The following GPC6 variants were observed in gnomAD, a reference collection of about 807,000 sequenced individuals.
GPC6 encodes the protein glypican 6.
Under a neutral mutation model 55.2 loss-of-function variants are expected in GPC6, and 14 were observed. The observed-to-expected ratio is 0.25, with a 90% CI of 0.17 to 0.40. The LOEUF (loss-of-function observed/expected upper bound fraction) is 0.40. GPC6 is among the 10% of genes least tolerant of loss of function. GPC6 has a pLI of 1.00. For missense variants in GPC6, 641 were observed against 708.5 expected (o/e 0.90, Z 1.08); for synonymous variants, 278 against 259.6 (o/e 1.07, Z -0.68).
chr13:93,418,759 C>T (rs1183514301), intron 1 of GPC6, among the ~76,000 whole-genome samples: 2 of 148,628 alleles, frequency 1.3e-5, no homozygotes, highest in African/African-American at 2.5e-5. Flanking sequence ...TATACCGTAG[C>T]ATCACTTTAT....
chr13:94,180,771 G>T (rs1888963098), intron 4 of GPC6, among the ~76,000 whole-genome samples: 1 of 151,876 alleles, frequency 6.6e-6, no homozygotes, highest in African/African-American at 2.4e-5. Context: ...AGATTAATAG[G>T]GACAAGTCAT....
At chr13:94,155,559 T>G (rs1013369413) in intron 4 of GPC6, among the ~76,000 whole-genome samples, 1 of 152,040 alleles carries the variant, frequency 6.6e-6, no homozygotes, top group Non-Finnish European at 1.5e-5. Context: ...CCCAAAACAT[T>G]TAATTCAGTG....
Position 93,820,446 on chromosome 13 carries a change from ATG to A in GPC6, c.320-9704_320-9703del, listed in dbSNP as rs1254929209. On this transcript the variant is annotated intron_variant, in intron 2 of 8. Coordinates refer to ENST00000377047, the MANE Select transcript of GPC6 (RefSeq NM_005708.5). ...TAAATATTGTGAACATTTTTGAATT[ATG>A]TGTTACAGTATTTTTAACAGCCAAT... 3.9e-5 allele frequency among the ~76,000 whole-genome samples: 6 copies of A among 152,156 alleles called. No homozygotes were observed. The East Asian group carries it at 1.2e-3, about 29-fold the overall frequency.
intron 4 of GPC6, among the ~76,000 whole-genome samples, chr13:94,091,783 G>C (rs149340417): frequency 6.6e-6 from 1 of 151,994 alleles, no homozygotes; most frequent in African/African-American, 2.4e-5. Context: ...GTTTTAACTG[G>C]AATTATAGAG....
chr13:93,958,724 G>C (rs527831440), intron 3 of GPC6, among the ~76,000 whole-genome samples: 1 of 152,014 alleles, frequency 6.6e-6, no homozygotes, highest in East Asian at 1.9e-4. Context: ...TTCTAATTCT[G>C]TAAAGAATCA....
intron 6 of GPC6, among the ~76,000 whole-genome samples, chr13:94,316,029 G>A (rs370462994): frequency 1.3e-5 from 2 of 152,086 alleles, no homozygotes; most frequent in African/African-American, 2.4e-5. Context: ...CCAAAAAACG[G>A]CCCAGGGAAG....
At chr13:93,613,530 A>ACACACACACAC (rs1566450041) in intron 2 of GPC6, among the ~76,000 whole-genome samples, 26 of 140,000 alleles carry the variant, frequency 1.9e-4, no homozygotes, top group African/African-American at 7.6e-4. Context: ...ACACACACAA[A>ACACACACACAC]ACACACACAC....
chr13:93,473,168 C>T (rs937213547), intron 1 of GPC6, among the ~76,000 whole-genome samples: 1 of 152,176 alleles, frequency 6.6e-6, no homozygotes, highest in Non-Finnish European at 1.5e-5. Flanking sequence ...AGGGCCTCAC[C>T]AGGGACCTGC....
At chr13:94,255,819 C>T (rs963631393) in intron 4 of GPC6, among the ~76,000 whole-genome samples, 4 of 152,162 alleles carry the variant, frequency 2.6e-5, no homozygotes, top group Non-Finnish European at 2.9e-5. Context: ...GAAATAAATG[C>T]CCTGGATCAT....
intron 6 of GPC6, among the ~76,000 whole-genome samples, chr13:94,381,523 C>A (rs1483216689): frequency 6.6e-6 from 1 of 152,166 alleles, no homozygotes; most frequent in Non-Finnish European, 1.5e-5. Context: ...AGGGCCCACC[C>A]ACATGACTTC....
rs1877997455 is a variant in GPC6 at position 93,601,086 on chromosome 13, A to AAT, written c.319+55665_319+55666insAT. 5.9e-5 allele frequency among the ~76,000 whole-genome samples: 9 copies of AAT among 151,756 alleles called. 1 individual carries two copies. Among genetic ancestry groups the AAT allele is most frequent in the African/African-American group, 2.2e-4 (9 of 41,356 alleles). ...GAGGAAAAGACGAGGGGAAAACAGGAGCTTAAAAGAATTAAAACATGTTGG... is the reference window on the plus strand; with the variant it reads ...GAGGAAAAGACGAGGGGAAAACAGGAATGCTTAAAAGAATTAAAACATGTTGG... On this transcript the variant is annotated intron_variant, in intron 2 of 8. Transcript: ENST00000377047.
chr13:94,351,987 AAG>A (rs1206835652), intron 6 of GPC6, among the ~76,000 whole-genome samples: 3 of 151,206 alleles, frequency 2.0e-5, no homozygotes, highest in African/African-American at 7.3e-5. Flanking sequence ...AAAAAAGAAA[AAG>A]AAAAAAAATA....
intron 4 of GPC6, among the ~76,000 whole-genome samples, chr13:94,280,514 G>C (rs535664026): frequency 6.6e-6 from 1 of 152,162 alleles, no homozygotes; most frequent in Non-Finnish European, 1.5e-5. Context: ...CAGCGTGCCT[G>C]TCTCCAGCAC....
At chr13:94,030,001 C>T (rs1199670593) in intron 4 of GPC6, among the ~76,000 whole-genome samples, 3 of 149,646 alleles carry the variant, frequency 2.0e-5, no homozygotes, top group South Asian at 2.1e-4. Context: ...CCTTTCTTCC[C>T]GTCTTTTTTT....
chr13:94,031,325 A>T (rs778776979), intron 4 of GPC6, among the ~76,000 whole-genome samples: 1 of 152,138 alleles, frequency 6.6e-6, no homozygotes, highest in Non-Finnish European at 1.5e-5. Flanking sequence ...ATGCCGCTAG[A>T]CCTATTTTAG....
At chr13:93,519,735 T>A (rs1881336466) in intron 1 of GPC6, among the ~76,000 whole-genome samples, 1 of 152,020 alleles carries the variant, frequency 6.6e-6, no homozygotes, top group African/African-American at 2.4e-5. Flanking sequence ...CCTAAATAGA[T>A]GAGGCTCTTT....
chr13:93,717,748 C>T (rs1050325307), intron 2 of GPC6, among the ~76,000 whole-genome samples: 2 of 151,662 alleles, frequency 1.3e-5, no homozygotes, highest in Non-Finnish European at 2.9e-5. Flanking sequence ...TCTCCTAATG[C>T]TATCCTTCCC....
At chr13:94,173,085 T>G (rs1277059885) in intron 4 of GPC6, among the ~76,000 whole-genome samples, 3 of 152,194 alleles carry the variant, frequency 2.0e-5, no homozygotes, top group Non-Finnish European at 4.4e-5. Flanking sequence ...AAAGGGATAC[T>G]TCAGCTTCAT....
intron 2 of GPC6, among the ~76,000 whole-genome samples, chr13:93,681,814 T>A (rs1881855379): frequency 6.6e-6 from 1 of 152,224 alleles, no homozygotes; most frequent in African/African-American, 2.4e-5. Context: ...AAAGATATCA[T>A]GATACCTTGT....
Sources: allele counts gnomAD v4.1 joint callset (sites outside exome capture counted in the v4.1 genomes callset), GRCh38; gene constraint gnomAD v4.1.1; transcripts MANE v1.5; gene names NCBI Gene and HGNC (gene_info 2026-07-23, HGNC 2026-07-21).